PPAT: variants seen among roughly 807,000 people sequenced by gnomAD.
The protein encoded by PPAT is amidophosphoribosyltransferase.
In PPAT, 20 loss-of-function variants were observed where a neutral mutation model predicts 60.2. That is an observed-to-expected ratio of 0.33 (90% CI 0.23 to 0.48). The LOEUF is 0.48. Ranked by LOEUF, PPAT falls within the 20% of genes least tolerant of loss-of-function variation. The probability of loss-of-function intolerance (pLI) is 0.99; values close to 1 mark genes in which losing one functional copy is unlikely to be tolerated. For synonymous variants in PPAT, 194 were observed against 215.1 expected, an observed-to-expected ratio of 0.90 and a Z score of 0.86; for missense variants, 349 against 629.6, an observed-to-expected ratio of 0.55 and a Z score of 4.77.
In PPAT at chr4:56,403,064, G is replaced by A. The variant is rs781029801; in HGVS notation, c.637C>T (p.Pro213Ser). ...NRPLCIGRLI[P>S]VSDINDKEKK... is the part of the protein sequence containing the mutation. Reference sequence around the variant, plus strand: ...CCTTTGTCATTTATATCAGACACTGGAATAAGACGACCAATGCATAAGGGA... The same window carrying A: ...CCTTTGTCATTTATATCAGACACTGAAATAAGACGACCAATGCATAAGGGA... The change falls in exon 5 of 11, where the codon CCA becomes TCA. Residue 213 changes from proline (P) to serine (S), a missense_variant. Around this residue, in one of 5 missense-constraint regions of PPAT, gnomAD observed 63 missense variants for 86.9 expected, o/e 0.73. Transcript: ENST00000264220. The A allele has an allele frequency of 1.2e-5, 19 of 1,609,526 alleles. No homozygotes were observed. The highest frequency in any genetic ancestry group is 1.6e-5 in the Non-Finnish European group (19 of 1,178,180).
At chr4:56,399,446 T>C in intron 8 of PPAT, 46 bp from the exon 9 acceptor site, 1 of 1,373,126 alleles carries the variant, frequency 7.3e-7, no homozygotes, top group South Asian at 1.3e-5. Flanking sequence ...ATATACAGAA[T>C]AGGCAAATAT....
intron 1 of PPAT, among the ~76,000 whole-genome samples, chr4:56,408,922 T>C (rs954024003): frequency 2.0e-5 from 3 of 152,126 alleles, no homozygotes; most frequent in Non-Finnish European, 4.4e-5. Flanking sequence ...GCTAACCTTG[T>C]ATAAAAAATG....
chr4:56,402,039 T>C lies in PPAT; in HGVS notation c.734+70A>G, dbSNP rs1186123116. On this transcript the variant is annotated intron_variant, in intron 6 of 10. Transcript: ENST00000264220. ...GAAAACTTTCAAACTTTCACATAAA[T>C]AAGAAACTGTCTAAAAAAAATTCTT... 7 of 1,228,518 alleles carry C rather than the reference T, an allele frequency of 5.7e-6. No homozygotes were observed. The East Asian group carries it at 9.6e-5, about 17-fold the overall frequency. The allele number at this position is 1,228,518 out of a possible 1,614,324, so 76.1% of individuals were successfully genotyped here. A position where few individuals can be genotyped will look rare whatever the true frequency, so the allele number is the denominator to read the frequency against.
intron 1 of PPAT, among the ~76,000 whole-genome samples, chr4:56,419,094 G>T (rs78260694): frequency 6.6e-6 from 1 of 152,160 alleles, no homozygotes; most frequent in East Asian, 1.9e-4. Flanking sequence ...ACAGTCTGGG[G>T]ATGAGGGATG....
chr4:56,419,562 C>G, intron 1 of PPAT: 1 of 522,462 alleles, frequency 1.9e-6, no homozygotes, highest in Non-Finnish European at 2.5e-6. Flanking sequence ...CAATTATTTA[C>G]CTTGTCTGAT....
At chr4:56,424,655 A>C (rs1213221040) in intron 1 of PPAT, among the ~76,000 whole-genome samples, 1 of 152,226 alleles carries the variant, frequency 6.6e-6, no homozygotes. Context: ...CCTGGTCTGA[A>C]GCATAAGCGA....
chr4:56,424,565 ATTATG>A (rs1460555005), intron 1 of PPAT, among the ~76,000 whole-genome samples: 1 of 152,356 alleles, frequency 6.6e-6, no homozygotes, highest in African/African-American at 2.4e-5. Context: ...GGCTATTCCT[ATTATG>A]TTAAGTAAAA....
chr4:56,434,591 G>A (rs1437476494), intron 1 of PPAT, among the ~76,000 whole-genome samples: 1 of 152,090 alleles, frequency 6.6e-6, no homozygotes, highest in African/African-American at 2.4e-5. Flanking sequence ...ATGGATCTTG[G>A]CATAGAGACA....
At chr4:56,410,451 A>ATC in intron 1 of PPAT, 1 of 882,620 alleles carries the variant, frequency 1.1e-6, no homozygotes, top group Non-Finnish European at 1.4e-6. Flanking sequence ...ACAACCAGCC[A>ATC]TGTGGTTTCC....
intron 5 of PPAT, 78 bp downstream of exon 5, chr4:56,402,962 A>G: frequency 7.3e-7 from 1 of 1,366,858 alleles, no homozygotes; most frequent in Non-Finnish European, 9.8e-7. Context: ...TTCTATACCT[A>G]AAGATTTCAG....
At chr4:56,408,315 G>C (rs1210305386) in intron 1 of PPAT, 2 of 152,286 alleles carry the variant, frequency 1.3e-5, no homozygotes, top group Admixed American at 6.6e-5. Flanking sequence ...CACGCTTGTA[G>C]TCCCAGCTAC....
At chr4:56,405,288 T>C (rs1038298274) in intron 3 of PPAT, among the ~76,000 whole-genome samples, 1 of 152,216 alleles carries the variant, frequency 6.6e-6, no homozygotes. Flanking sequence ...AAGTTTATAC[T>C]CCATTTTATT....
rs773191107 is a variant in PPAT at position 56,419,496 on chromosome 4, T to C, written c.129-11780A>G. 7.7e-4 allele frequency: 140 copies of C among 182,682 alleles called. 1 individual carries two copies. The highest frequency in any genetic ancestry group is 3.4e-4 in the Non-Finnish European group (33 of 95,904). The allele number at this position is 182,682 out of a possible 1,614,324, so 11.3% of individuals were successfully genotyped here. A position where few individuals can be genotyped will look rare whatever the true frequency, so the allele number is the denominator to read the frequency against. ...ACTGTTTAAGAGAAAAGCTAAGCTA[T>C]GATTTGTTACTCCATCTCCTATGGA... On this transcript the variant is annotated intron_variant, in intron 1 of 10. Coordinates refer to ENST00000264220, the MANE Select transcript of PPAT (RefSeq NM_002703.5).
Position 56,395,559 on chromosome 4 carries a change from A to G in PPAT, c.1358-11T>C. 2 of 1,504,514 alleles carry G rather than the reference A, an allele frequency of 1.3e-6. No individual in the cohort carries two copies. The highest frequency in any genetic ancestry group is 1.8e-6 in the Non-Finnish European group (2 of 1,132,456). 93.2% of individuals were successfully genotyped at this position (1,504,514 alleles called of 1,614,324 possible). A position where few individuals can be genotyped will look rare whatever the true frequency, so the allele number is the denominator to read the frequency against. On this transcript the variant is annotated splice_polypyrimidine_tract_variant and intron_variant, in intron 10 of 10. Transcript: ENST00000264220. ...CAACACTGTTTGCTCCTAAAGAAAG[A>G]GGGAAAAATAAAAATGTAATAAGAA...
rs1344228038 is a variant in PPAT at position 56,396,756 on chromosome 4, T to C, written c.1237-17A>G. 6.2e-7 allele frequency: 1 copy of C among 1,603,792 alleles called. No individual in the cohort carries two copies. The highest frequency in any genetic ancestry group is 8.5e-7 in the Non-Finnish European group (1 of 1,176,502). ...AATGTGTACCTTGGAAAGAAATCAT[T>C]GCACACAAGGTTTTTAAGACTATGC... On this transcript the variant is annotated splice_polypyrimidine_tract_variant and intron_variant, in intron 9 of 10. Transcript: ENST00000264220. This position sits in a 1 kb window ranked among gnomAD's most constrained non-coding sequence, Gnocchi z 4.6.
intron 1 of PPAT, chr4:56,414,257 G>C (rs113978605): frequency 6.6e-6 from 1 of 152,270 alleles, no homozygotes; most frequent in East Asian, 1.9e-4. Flanking sequence ...TGTGATACAC[G>C]GAAGAAGGGA....
chr4:56,403,277 T>A lies in PPAT; in HGVS notation c.515+12A>T. 1.2e-6 allele frequency: 2 copies of A among 1,606,362 alleles called. No individual in the cohort carries two copies. Among genetic ancestry groups the A allele is most frequent in the Non-Finnish European group, 1.7e-6 (2 of 1,172,952 alleles). On this transcript the variant is annotated intron_variant, in intron 4 of 10. Transcript: ENST00000264220. The stretch of plus-strand genomic sequence containing the variant: ...TACTAGAGCTCTAAGTTTAGTCCAG[T>A]TCTCTGCTTACCTGGCTACCCAGTC...
At chr4:56,402,904 T>C (rs1716152281) in intron 5 of PPAT, 136 bp downstream of exon 5, 1 of 523,528 alleles carries the variant, frequency 1.9e-6, no homozygotes, top group African/African-American at 2.2e-5. Context: ...AAAGGAAGAA[T>C]ACATTTATTT....
intron 8 of PPAT, chr4:56,399,603 GTTT>G: frequency 2.1e-6 from 1 of 475,666 alleles, no homozygotes; most frequent in South Asian, 3.7e-5. Context: ...GACTCATAAT[GTTT>G]TTGTCTTAAA....
Sources: gnomAD v4.1 joint callset for allele counts (sites outside exome capture counted in the v4.1 genomes callset) on GRCh38, gnomAD v4.1.1 for gene constraint, gnomAD v4.1.1 regional missense constraint, Gnocchi (gnomAD v3.1) non-coding constraint, MANE v1.5 for transcripts, NCBI Gene and HGNC (gene_info 2026-07-23, HGNC 2026-07-21) for gene names.